Variants in RBM6 observed in about 807,000 individuals in gnomAD.
The protein encoded by RBM6 is RNA-binding protein 6.
In RBM6, 23 loss-of-function variants were observed where a neutral mutation model predicts 140.4. The observed-to-expected ratio is 0.16, with a 90% CI of 0.12 to 0.23. RBM6 has a LOEUF of 0.23. Ranked by LOEUF, RBM6 falls within the 10% of genes least tolerant of loss-of-function variation. The pLI, the probability that RBM6 is intolerant of heterozygous loss-of-function variation, is 1.00. For missense variants in RBM6, 1,139 were observed against 1,386.7 expected, an observed-to-expected ratio of 0.82 and a Z score of 2.84; for synonymous variants, 439 against 475.6, an observed-to-expected ratio of 0.92 and a Z score of 1.00.
intron 1 of RBM6, among the ~76,000 whole-genome samples, chr3:49,942,581 T>G (rs2083333852): frequency 3.3e-5 from 5 of 149,642 alleles, no homozygotes; most frequent in Non-Finnish European, 7.4e-5. Context: ...TTCTGAAACT[T>G]TAGTATCTCA....
intron 17 of RBM6, among the ~76,000 whole-genome samples, chr3:50,067,007 G>A (rs528549752): frequency 6.6e-6 from 1 of 151,854 alleles, no homozygotes; most frequent in East Asian, 1.9e-4. Flanking sequence ...TGGCCAACAT[G>A]GTGAAACTGT....
intron 19 of RBM6, among the ~76,000 whole-genome samples, chr3:50,070,934 TG>T (rs2090280938): frequency 6.6e-6 from 1 of 152,250 alleles, no homozygotes. Flanking sequence ...CTGATGGAGA[TG>T]TATGATATCT....
chr3:50,059,851 C>A, intron 11 of RBM6, 105 bp downstream of exon 11: 2 of 830,854 alleles, frequency 2.4e-6, no homozygotes, highest in Non-Finnish European at 3.8e-6. Flanking sequence ...GTTTTCCTAA[C>A]ATGGACTGCT....
intron 6 of RBM6, among the ~76,000 whole-genome samples, chr3:50,018,518 A>G (rs1258392906): frequency 1.3e-5 from 2 of 150,626 alleles, no homozygotes; most frequent in African/African-American, 4.9e-5. Context: ...GTACGGACAT[A>G]CGTTTTCAAC....
intron 6 of RBM6, among the ~76,000 whole-genome samples, chr3:50,010,378 A>G (rs2086784841): frequency 6.6e-6 from 1 of 152,124 alleles, no homozygotes; most frequent in South Asian, 2.1e-4. Flanking sequence ...ACTGGGCACA[A>G]GGGTGGCCGG....
At chr3:49,957,957 G>A (rs1252172082) in intron 1 of RBM6, among the ~76,000 whole-genome samples, 1 of 151,824 alleles carries the variant, frequency 6.6e-6, no homozygotes, top group South Asian at 2.1e-4. Flanking sequence ...TCAGGCTCCT[G>A]AGTAGCTGGG....
At chr3:49,954,165 C>T (rs922511712) in intron 1 of RBM6, among the ~76,000 whole-genome samples, 13 of 151,274 alleles carry the variant, frequency 8.6e-5, no homozygotes, top group African/African-American at 2.9e-4. Context: ...ATAGGCCGGG[C>T]GCAATGGCTC....
chr3:49,947,274 G>C lies in RBM6; in HGVS notation c.-67+7049G>C, dbSNP rs1000212659. Among the ~76,000 whole-genome samples, 9 of 87,702 alleles carry C rather than the reference G, an allele frequency of 1.0e-4. No individual in the cohort carries two copies. In the South Asian group the frequency reaches 3.2e-3, roughly 31 times the overall value. The allele number at this position is 87,702 out of a possible 152,430, so 57.5% of individuals were successfully genotyped here. On this transcript the variant is annotated intron_variant, in intron 1 of 20. Coordinates refer to ENST00000266022, the MANE Select transcript of RBM6 (RefSeq NM_005777.3). ...CTCAAAAAAAAAAAGGGGGGGGGGG[G>C]GGGTTTTGAGCTGGGTGTGCAGGTG...
At chr3:49,946,783 C>T (rs2083505303) in intron 1 of RBM6, among the ~76,000 whole-genome samples, 1 of 151,702 alleles carries the variant, frequency 6.6e-6, no homozygotes, top group South Asian at 2.1e-4. Context: ...GATCTGTCCA[C>T]CTTGGCCTCC....
chr3:49,983,035 G>T (rs754334972), intron 5 of RBM6, among the ~76,000 whole-genome samples: 35 of 151,996 alleles, frequency 2.3e-4, no homozygotes, highest in Non-Finnish European at 4.1e-4. Context: ...TGTAGAGACA[G>T]GGTCTCACGC....
intron 1 of RBM6, among the ~76,000 whole-genome samples, chr3:49,949,207 A>C (rs1371751915): frequency 1.3e-5 from 2 of 151,754 alleles, no homozygotes; most frequent in Non-Finnish European, 2.9e-5. Flanking sequence ...AATCTTCTTC[A>C]TTTGTTAATG....
chr3:49,972,026 A>G, intron 3 of RBM6, 33 bp from the exon 4 acceptor site: 2 of 1,486,962 alleles, frequency 1.3e-6, no homozygotes, highest in East Asian at 2.3e-5. Context: ...AGTAAAGTAT[A>G]TTTGTGAAAT....
chr3:50,025,606 T>TTTTTTTTTTTGAGACGG (rs1559601257), intron 6 of RBM6, among the ~76,000 whole-genome samples: 15 of 140,238 alleles, frequency 1.1e-4, no homozygotes, highest in East Asian at 2.2e-4. Flanking sequence ...TTTTTTTTTT[T>TTTTTTTTTTTGAGACGG]AAGAGACAGG....
At chr3:49,948,757 G>A (rs2083604412) in intron 1 of RBM6, among the ~76,000 whole-genome samples, 1 of 149,872 alleles carries the variant, frequency 6.7e-6, no homozygotes, top group Non-Finnish European at 1.5e-5. Flanking sequence ...AGGAGGTAGA[G>A]GTTGCAGTGA....
intron 6 of RBM6, among the ~76,000 whole-genome samples, chr3:50,019,723 C>G (rs1344285166): frequency 1.3e-5 from 2 of 151,992 alleles, no homozygotes; most frequent in East Asian, 3.9e-4. Context: ...CATCTAGTCT[C>G]TCACCATAAG....
intron 1 of RBM6, among the ~76,000 whole-genome samples, chr3:49,954,106 C>G (rs915103834): frequency 6.6e-6 from 1 of 150,920 alleles, no homozygotes; most frequent in Non-Finnish European, 1.5e-5. Flanking sequence ...ACTGCACTCC[C>G]GCTTGGGTGA....
In RBM6 at chr3:49,954,533, A is replaced by G. The variant is rs1480714872; in HGVS notation, c.-66-8043A>G. ...TGGGCTCAAGCCATCCTTCTGCCTC[A>G]GCCTCCCAAAGTATTGGAATTACAG... On this transcript the variant is annotated intron_variant, in intron 1 of 20. Transcript: ENST00000266022. Among the ~76,000 whole-genome samples the G allele has an allele frequency of 2.6e-5, 4 of 151,474 alleles. No homozygotes were observed. The South Asian group carries it at 6.3e-4, about 24-fold the overall frequency.
At chr3:50,069,507 C>CAAAAA (rs60210595) in intron 18 of RBM6, among the ~76,000 whole-genome samples, 23 of 107,408 alleles carry the variant, frequency 2.1e-4, no homozygotes, top group African/African-American at 8.2e-4. Flanking sequence ...GACCTTGTCT[C>CAAAAA]AAAAAAAAAA....
chr3:49,958,468 C>T (rs1408019377), intron 1 of RBM6, among the ~76,000 whole-genome samples: 1 of 152,024 alleles, frequency 6.6e-6, no homozygotes, highest in Non-Finnish European at 1.5e-5. Context: ...CCCAGCTACT[C>T]GGGAGGCTGA....
Sources: allele counts gnomAD v4.1 joint callset (sites outside exome capture counted in the v4.1 genomes callset), GRCh38; gene constraint gnomAD v4.1.1; transcripts MANE v1.5; gene names NCBI Gene and HGNC (gene_info 2026-07-23, HGNC 2026-07-21).